NEDD4L: variants seen among roughly 807,000 people sequenced by gnomAD.
NEDD4L encodes NEDD4 like E3 ubiquitin protein ligase.
In NEDD4L, 54 loss-of-function variants were observed where a neutral mutation model predicts 148.9. The observed-to-expected ratio is 0.36, with a 90% CI of 0.29 to 0.45. The LOEUF (loss-of-function observed/expected upper bound fraction) is 0.45. Among genes scored for constraint, NEDD4L ranks in the 20% least tolerant of loss-of-function variants. The pLI, the probability that NEDD4L is intolerant of heterozygous loss-of-function variation, is 1.00. For missense variants in NEDD4L, 856 were observed against 1,233.8 expected, an observed-to-expected ratio of 0.69 and a Z score of 4.59; for synonymous variants, 433 against 440.7, an observed-to-expected ratio of 0.98 and a Z score of 0.22.
intron 1 of NEDD4L, among the ~76,000 whole-genome samples, chr18:58,161,748 T>C (rs1599237435): frequency 1.3e-5 from 2 of 152,116 alleles, no homozygotes; most frequent in East Asian, 3.9e-4. Context: ...TCTACTCCCT[T>C]CGTATGATTT....
In NEDD4L at chr18:58,323,261, G is replaced by T; in HGVS notation, c.440G>T (p.Arg147Leu). The change falls in exon 8 of 31, where the codon CGA becomes CTA. Residue 147 changes from arginine to leucine, a missense_variant. Arg to Leu is a moderately radical substitution (Grantham distance 102, BLOSUM62 -2). Transcript: ENST00000400345. ...AAGTCTCGAGTTAAGGGATTTTTGC[G>T]ATTGAAAATGGCCTATATGCCAAAA... ...SHKSRVKGFL[R>L]LKMAYMPKNG... 1.2e-6 allele frequency: 2 copies of T among 1,604,388 alleles called. No homozygotes were observed. The highest frequency in any genetic ancestry group is 1.7e-6 in the Non-Finnish European group (2 of 1,174,844).
intron 5 of NEDD4L, among the ~76,000 whole-genome samples, chr18:58,278,100 TAAAA>T (rs565011761): frequency 2.0e-5 from 3 of 148,770 alleles, no homozygotes; most frequent in Admixed American, 6.7e-5. Flanking sequence ...TTTTTACAAT[TAAAA>T]AAAAAAATTG....
At position 58,383,266 on chromosome 18, in the gene NEDD4L, G is replaced by A; in HGVS notation, c.2373G>A (p.Lys791=). ...TACAGACATATCAAGTGGATTTGAA[G>A]CCCAATGGGTCAGAAATAATGGTCA... is the stretch of plus-strand genomic sequence containing the variant. ...NFGQTYQVDL[K]PNGSEIMVTN... is the part of the protein sequence containing the mutation. The change falls in exon 25 of 31, where the codon AAG becomes AAA. Residue 791 remains lysine (K), a synonymous_variant. Transcript: ENST00000400345. 1 of 1,539,930 alleles carries A rather than the reference G, an allele frequency of 6.5e-7. No individual in the cohort carries two copies. Among genetic ancestry groups the A allele is most frequent in the East Asian group, 2.4e-5 (1 of 41,396 alleles).
intron 2 of NEDD4L, among the ~76,000 whole-genome samples, chr18:58,226,365 G>A (rs2044354478): frequency 6.6e-6 from 1 of 152,188 alleles, no homozygotes; most frequent in Non-Finnish European, 1.5e-5. Context: ...AAATGCAATT[G>A]TGTTAAATTA....
At chr18:58,332,814 T>A (rs1178682274) in intron 11 of NEDD4L, among the ~76,000 whole-genome samples, 2 of 152,242 alleles carry the variant, frequency 1.3e-5, no homozygotes, top group African/African-American at 4.8e-5. Context: ...CTGGCTTCTG[T>A]GTGTGACCTG....
At chr18:58,367,968 T>A (rs2146165244) in intron 22 of NEDD4L, 101 bp downstream of exon 22, 1 of 1,256,984 alleles carries the variant, frequency 8.0e-7, no homozygotes, top group Middle Eastern at 1.9e-4. Context: ...GCTTCACTGG[T>A]TTACTCATAA....
At chr18:58,110,968 GAT>G (rs1276770480) in intron 1 of NEDD4L, among the ~76,000 whole-genome samples, 1 of 152,188 alleles carries the variant, frequency 6.6e-6, no homozygotes, top group African/African-American at 2.4e-5. Context: ...GCTTTATTGA[GAT>G]ATGATTCACA....
chr18:58,275,162 TA>T (rs2148871711), intron 5 of NEDD4L, among the ~76,000 whole-genome samples: 1 of 152,302 alleles, frequency 6.6e-6, no homozygotes, highest in East Asian at 1.9e-4. Flanking sequence ...TATTTTATGT[TA>T]TAAAAATTAA....
At chr18:58,082,102 A>ATATATATTTTTTTTTTTTTTTT in intron 1 of NEDD4L, among the ~76,000 whole-genome samples, 5 of 48,832 alleles carry the variant, frequency 1.0e-4, no homozygotes, top group South Asian at 1.0e-3. Flanking sequence ...ATATATATAT[A>ATATATATTTTTTTTTTTTTTTT]TTTTTTTTTT....
At chr18:58,142,730 A>G (rs1458676765) in intron 1 of NEDD4L, among the ~76,000 whole-genome samples, 6 of 152,246 alleles carry the variant, frequency 3.9e-5, no homozygotes, top group Admixed American at 3.9e-4. Flanking sequence ...ATGAGCATTC[A>G]GGCCCAGACT....
intron 10 of NEDD4L, 138 bp downstream of exon 10, chr18:58,329,265 A>AATTAATT: frequency 1.0e-6 from 1 of 997,190 alleles, no homozygotes; most frequent in Non-Finnish European, 1.5e-6. Context: ...GGAATTAATT[A>AATTAATT]CCATCTGAAT....
chr18:58,058,749 T>C (rs1197517857), intron 1 of NEDD4L, among the ~76,000 whole-genome samples: 3 of 152,242 alleles, frequency 2.0e-5, no homozygotes, highest in African/African-American at 7.2e-5. Flanking sequence ...TGTTCAAAGC[T>C]GGGCACTCTG....
chr18:58,251,889 T>C (rs2047984754), intron 4 of NEDD4L, 112 bp from the exon 5 acceptor site: 1 of 671,648 alleles, frequency 1.5e-6, no homozygotes. Flanking sequence ...TTGTTCATAT[T>C]ATACAATTGA....
chr18:58,054,470 T>C (rs1033133418), intron 1 of NEDD4L, among the ~76,000 whole-genome samples: 2 of 152,182 alleles, frequency 1.3e-5, no homozygotes, highest in Non-Finnish European at 2.9e-5. Flanking sequence ...TGAGACCCCA[T>C]GCCTGTGGTC....
chr18:58,083,929 C>T (rs987754724), intron 1 of NEDD4L, among the ~76,000 whole-genome samples: 8 of 152,244 alleles, frequency 5.3e-5, no homozygotes, highest in African/African-American at 1.9e-4. Context: ...CAGGGTTTCA[C>T]CATGTTGGCC....
At chr18:58,097,135 G>A (rs1284338658) in intron 1 of NEDD4L, among the ~76,000 whole-genome samples, 2 of 152,224 alleles carry the variant, frequency 1.3e-5, no homozygotes, top group Non-Finnish European at 2.9e-5. Flanking sequence ...CACGAAGATT[G>A]TTTTGTTCGC....
chr18:58,221,606 C>G, intron 2 of NEDD4L: 1 of 985,452 alleles, frequency 1.0e-6, no homozygotes, highest in Non-Finnish European at 1.2e-6. Flanking sequence ...CCCCCGGTAT[C>G]AGCAGAGGTG....
At chr18:58,125,224 A>C (rs901600797) in intron 1 of NEDD4L, among the ~76,000 whole-genome samples, 4 of 152,208 alleles carry the variant, frequency 2.6e-5, no homozygotes, top group Non-Finnish European at 5.9e-5. Context: ...GTGAATGAGA[A>C]AGGTCAGGCA....
chr18:58,067,909 G>A lies in NEDD4L; in HGVS notation c.48+23201G>A, dbSNP rs143725898. On this transcript the variant is annotated intron_variant, in intron 1 of 30. Transcript: ENST00000400345. ...TTGGGAATTGGACTTTGAAGGGCTG[G>A]GACTTCCAGAAGGTAAAATGGGATT... 2.6e-3 allele frequency among the ~76,000 whole-genome samples: 403 copies of A among 152,246 alleles called. 2 individuals are homozygous for A. Among genetic ancestry groups the A allele is most frequent in the African/African-American group, 9.1e-3 (378 of 41,536 alleles).
Sources: gnomAD v4.1 joint callset for allele counts (sites outside exome capture counted in the v4.1 genomes callset) on GRCh38, gnomAD v4.1.1 for gene constraint, MANE v1.5 for transcripts, NCBI Gene and HGNC (gene_info 2026-07-23, HGNC 2026-07-21) for gene names.